Variants in ABI2 observed in about 807,000 individuals in gnomAD.
ABI2 encodes the protein abl interactor 2.
Under a neutral mutation model 59.2 loss-of-function variants are expected in ABI2, and 25 were observed. The observed-to-expected ratio is 0.42, with a 90% CI of 0.31 to 0.59. The LOEUF (loss-of-function observed/expected upper bound fraction) is 0.59. Ranked by LOEUF, ABI2 falls within the 20% of genes least tolerant of loss-of-function variation. ABI2 has a pLI of 0.14. For synonymous variants in ABI2, 213 were observed against 235.5 expected, an observed-to-expected ratio of 0.90 and a Z score of 0.87; for missense variants, 545 against 681.8, an observed-to-expected ratio of 0.80 and a Z score of 2.23.
intron 2 of ABI2, among the ~76,000 whole-genome samples, chr2:203,370,208 C>G (rs1038409885): frequency 4.0e-5 from 6 of 150,652 alleles, no homozygotes; most frequent in African/African-American, 4.9e-5. Flanking sequence ...CTCTCTCTCT[C>G]TCTCTCTCTC....
Position 203,401,095 on chromosome 2 carries a change from C to T in ABI2, c.1034-1481C>T, listed in dbSNP as rs192775244. On this transcript the variant is annotated intron_variant, in intron 8 of 11. Transcript: ENST00000261018. ...CAGGTATCATCTGTTCCTCCAGTCC[C>T]CCCTCCTCTACTCTCCCCTCTTCTC... Among the ~76,000 whole-genome samples, 146 of 152,252 alleles carry T rather than the reference C, an allele frequency of 9.6e-4. 1 individual carries two copies. Among genetic ancestry groups the T allele is most frequent in the Non-Finnish European group, 1.0e-4 (7 of 68,004 alleles).
intron 8 of ABI2, among the ~76,000 whole-genome samples, chr2:203,401,276 C>A (rs981019974): frequency 2.0e-5 from 3 of 151,778 alleles, no homozygotes; most frequent in Admixed American, 2.0e-4. Context: ...ATCCTCTTGC[C>A]CTCCTCCACC....
rs1032152908 is a variant in ABI2 at position 203,328,976 on chromosome 2, C to T, written c.117+345C>T. The T allele has an allele frequency of 2.6e-5, 5 of 194,396 alleles. No individual in the cohort carries two copies. The East Asian group carries it at 6.4e-4, about 25-fold the overall frequency. The allele number at this position is 194,396 out of a possible 1,614,324, so 12.0% of individuals were successfully genotyped here. A position where few individuals can be genotyped will look rare whatever the true frequency, so the allele number is the denominator to read the frequency against. ...AGTGGCATTTTCTGTTTGACGGAAT[C>T]CTGCTCCCCACCTTAGGGTAGGGGT... On this transcript the variant is annotated intron_variant, in intron 1 of 11. Transcript: ENST00000261018.
rs77947140 is a variant in ABI2 at position 203,426,883 on chromosome 2, A to G, written c.1454-294A>G. 0.038 allele frequency among the ~76,000 whole-genome samples: 5,719 copies of G among 151,884 alleles called. 350 individuals are homozygous for G. Among genetic ancestry groups the G allele is most frequent in the African/African-American group, 0.13 (5,343 of 41,404 alleles). ...GATTCTAGGATTGTGTACCTCTTCA[A>G]TGAGGTACTTCCCTGTAGGCTCTTA... On this transcript the variant is annotated intron_variant, in intron 11 of 11. Coordinates refer to ENST00000261018, the MANE Select transcript of ABI2 (RefSeq NM_001375670.1).
At chr2:203,336,301 T>A (rs926331653) in intron 1 of ABI2, among the ~76,000 whole-genome samples, 1 of 152,182 alleles carries the variant, frequency 6.6e-6, no homozygotes, top group African/African-American at 2.4e-5. Context: ...TTCACTCTTT[T>A]GGGTAAATTT....
At chr2:203,421,299 A>T (rs923432690) in intron 11 of ABI2, among the ~76,000 whole-genome samples, 5 of 152,236 alleles carry the variant, frequency 3.3e-5, no homozygotes, top group African/African-American at 1.2e-4. Flanking sequence ...AGCAGATACA[A>T]ATAGAAGGAT....
intron 1 of ABI2, among the ~76,000 whole-genome samples, chr2:203,336,307 A>C (rs1299481811): frequency 1.3e-5 from 2 of 152,128 alleles, no homozygotes; most frequent in Non-Finnish European, 2.9e-5. Context: ...CTTTTGGGTA[A>C]ATTTAAGGGA....
At chr2:203,393,523 A>G (rs1294073779) in intron 5 of ABI2, among the ~76,000 whole-genome samples, 2 of 152,154 alleles carry the variant, frequency 1.3e-5, no homozygotes, top group Non-Finnish European at 2.9e-5. Flanking sequence ...TCCTCTTTTG[A>G]CCCAAGATTT....
In ABI2 at chr2:203,387,334, G is replaced by A. The variant is rs547715180; in HGVS notation, c.481-3712G>A. ...GTACCAAAGAAGGTAGAGCAGGATA[G>A]GTAGGAGCATTGTAGAAAAAGTATT... On this transcript the variant is annotated intron_variant, in intron 4 of 11. Coordinates refer to ENST00000261018, the MANE Select transcript of ABI2 (RefSeq NM_001375670.1). Among the ~76,000 whole-genome samples the A allele has an allele frequency of 7.9e-5, 12 of 152,310 alleles. No individual in the cohort carries two copies. The South Asian group carries it at 1.0e-3, about 13-fold the overall frequency.
intron 2 of ABI2, chr2:203,374,864 C>CTACCTCA (rs2153122847): frequency 2.2e-6 from 1 of 454,708 alleles, no homozygotes; most frequent in Admixed American, 2.4e-5. Flanking sequence ...TAGTGCTATC[C>CTACCTCA]AGTACAGTCA....
intron 1 of ABI2, chr2:203,355,179 C>G (rs753773808): frequency 2.4e-6 from 1 of 413,312 alleles, no homozygotes; most frequent in African/African-American, 2.0e-5. Flanking sequence ...AGTGCATATC[C>G]TCTGGTGCTT....
At chr2:203,331,219 C>T (rs900056424) in intron 1 of ABI2, among the ~76,000 whole-genome samples, 6 of 151,964 alleles carry the variant, frequency 3.9e-5, no homozygotes, top group Non-Finnish European at 7.4e-5. Flanking sequence ...ATAAATAGAA[C>T]GTGGTGACAG....
At chr2:203,368,041 G>C (rs2094649051) in intron 2 of ABI2, among the ~76,000 whole-genome samples, 1 of 152,058 alleles carries the variant, frequency 6.6e-6, no homozygotes, top group African/African-American at 2.4e-5. Flanking sequence ...GATTATAATA[G>C]AGTCAGTTAT....
In ABI2 at chr2:203,416,440, C is replaced by T. The variant is rs549900221; in HGVS notation, c.1280-468C>T. ...CCTCCTGAGTAGCTGGGATTACGGG[C>T]GCCCACGACCATGTGCGACTAATTT... On this transcript the variant is annotated intron_variant, in intron 10 of 11. Coordinates refer to ENST00000261018, the MANE Select transcript of ABI2 (RefSeq NM_001375670.1). Among the ~76,000 whole-genome samples the T allele has an allele frequency of 5.9e-5, 9 of 152,150 alleles. No individual in the cohort carries two copies. In the East Asian group the frequency reaches 7.7e-4, roughly 13 times the overall value.
At chr2:203,368,478 A>AC (rs1402230642) in intron 2 of ABI2, among the ~76,000 whole-genome samples, 1 of 152,152 alleles carries the variant, frequency 6.6e-6, no homozygotes, top group Non-Finnish European at 1.5e-5. Flanking sequence ...TTTCAAATGA[A>AC]CTAACCATCT....
chr2:203,425,767 A>G (rs2098409407), intron 11 of ABI2, among the ~76,000 whole-genome samples: 1 of 152,158 alleles, frequency 6.6e-6, no homozygotes, highest in African/African-American at 2.4e-5. Context: ...CATGCCTGTA[A>G]TCCCAGCACT....
chr2:203,425,088 G>T (rs1190020651), intron 11 of ABI2, among the ~76,000 whole-genome samples: 1 of 150,498 alleles, frequency 6.6e-6, no homozygotes, highest in East Asian at 1.9e-4. Flanking sequence ...TGTTGCTTAG[G>T]CTGGCAATTT....
chr2:203,351,633 T>C (rs749626492), intron 1 of ABI2: 1 of 426,910 alleles, frequency 2.3e-6, no homozygotes, highest in South Asian at 1.7e-5. Context: ...ACTCCTGTGC[T>C]CAAGTGATCA....
At chr2:203,396,380 TTAATC>T (rs2096985819) in intron 7 of ABI2, among the ~76,000 whole-genome samples, 2 of 152,228 alleles carry the variant, frequency 1.3e-5, no homozygotes, top group Admixed American at 1.3e-4. Context: ...AAAAAAATTT[TTAATC>T]TGATAATATG....
Sources: gnomAD v4.1 joint callset for allele counts (sites outside exome capture counted in the v4.1 genomes callset) on GRCh38, gnomAD v4.1.1 for gene constraint, MANE v1.5 for transcripts, NCBI Gene and HGNC (gene_info 2026-07-23, HGNC 2026-07-21) for gene names.